Variants in E4F1 observed in about 807,000 individuals in gnomAD.
E4F1 encodes the protein transcription factor E4F1.
E4F1 carries 30 observed loss-of-function variants against 72.9 expected under a neutral mutation model. That is an observed-to-expected ratio of 0.41 (90% CI 0.31 to 0.56). The LOEUF is 0.56. E4F1 is among the 20% of genes least tolerant of loss of function. The pLI is 0.25. For synonymous variants in E4F1, 542 were observed against 478.2 expected (o/e 1.13, Z -1.74); for missense variants, 1,091 against 1,117.5 (o/e 0.98, Z 0.34).
At position 2,235,258 on chromosome 16, in the gene E4F1, C is replaced by G. The variant is rs1008078690; in HGVS notation, c.2041C>G (p.Gln681Glu). Residue 681 changes from glutamine (Q) to glutamate (E), a missense_variant, in exon 14 of 14, where the codon CAG becomes GAG. Physicochemically the swap from Gln to Glu is conservative, Grantham distance 29. This residue lies in a region of E4F1 where 622 missense variants were observed against 628.0 expected (regional missense o/e 0.99). Coordinates refer to ENST00000301727, the MANE Select transcript of E4F1 (RefSeq NM_004424.5). ...GAAGGTGGTGCAGCAGATCGTGCAC[C>G]AGGCTAGCGCCGGCCACCAGATCAT... ...IMKVVQQIVH[Q>E]ASAGHQIIVQ... The G allele has an allele frequency of 2.5e-6, 4 of 1,610,876 alleles. No homozygotes were observed. Among genetic ancestry groups the G allele is most frequent in the Middle Eastern group, 1.7e-4 (1 of 6,056 alleles).
At chr16:2,228,126 C>A (rs976138372) in intron 1 of E4F1, among the ~76,000 whole-genome samples, 2 of 152,200 alleles carry the variant, frequency 1.3e-5, no homozygotes, top group African/African-American at 4.8e-5. Flanking sequence ...CTGTCAGGGC[C>A]ACCCTCTGCT....
intron 9 of E4F1, 65 bp downstream of exon 9, chr16:2,234,055 G>T (rs567882180): frequency 4.6e-6 from 7 of 1,530,500 alleles, no homozygotes; most frequent in Non-Finnish European, 5.3e-6. Flanking sequence ...GGGTGCTTCT[G>T]GGTGTCCAGG....
intron 3 of E4F1, chr16:2,229,961 C>G: frequency 2.5e-6 from 1 of 396,050 alleles, no homozygotes; most frequent in South Asian, 2.5e-5. Flanking sequence ...CTGCCGTGTC[C>G]CTCCCAGAAT....
Position 2,223,873 on chromosome 16 carries a change from G to T in E4F1, c.157+103G>T, listed in dbSNP as rs906609639. On this transcript the variant is annotated intron_variant, in intron 1 of 13. Coordinates refer to ENST00000301727, the MANE Select transcript of E4F1 (RefSeq NM_004424.5). ...GCTGCGGGCTCGACCGACCCTCCCA[G>T]ACCCAGACACCTCGCGGATCTCGCG... 5 of 1,532,564 alleles carry T rather than the reference G, an allele frequency of 3.3e-6. No individual in the cohort carries two copies. In the Admixed American group the frequency reaches 5.9e-5, roughly 18 times the overall value. 94.9% of individuals were successfully genotyped at this position (1,532,564 alleles called of 1,614,324 possible). A position where few individuals can be genotyped will look rare whatever the true frequency, so the allele number is the denominator to read the frequency against.
chr16:2,232,405 C>G (rs769485429), intron 4 of E4F1, 41 bp downstream of exon 4: 1 of 1,602,184 alleles, frequency 6.2e-7, no homozygotes, highest in East Asian at 2.2e-5. Context: ...GGTGGCAGGC[C>G]CCCTCCTGTT....
At chr16:2,223,959 G>A (rs1379562972) in intron 1 of E4F1, 189 bp downstream of exon 1, 7 of 1,518,714 alleles carry the variant, frequency 4.6e-6, no homozygotes, top group Non-Finnish European at 6.1e-6. Flanking sequence ...GGCCTCTCCT[G>A]CGGGGCGCCT....
Position 2,234,132 on chromosome 16 carries a change from C to T in E4F1, c.1376-39C>T, listed in dbSNP as rs752962126. On this transcript the variant is annotated intron_variant, in intron 9 of 13. Coordinates refer to ENST00000301727, the MANE Select transcript of E4F1 (RefSeq NM_004424.5). ...GGTGGCAGGCGGCCTGGCGGGCCCG[C>T]GGGTGATGGGCTTGGCCTGATGCTG... The T allele has an allele frequency of 2.4e-5, 38 of 1,600,734 alleles. No individual in the cohort carries two copies. In the East Asian group the frequency reaches 4.0e-4, roughly 17 times the overall value.
At chr16:2,227,649 A>G (rs1596755946) in intron 1 of E4F1, among the ~76,000 whole-genome samples, 1 of 151,888 alleles carries the variant, frequency 6.6e-6, no homozygotes, top group East Asian at 1.9e-4. Context: ...TGGGATTACA[A>G]GCATGAGCCA....
chr16:2,233,586 C>T lies in E4F1; in HGVS notation c.1205C>T (p.Pro402Leu). The T allele has an allele frequency of 6.6e-7, 1 of 1,510,828 alleles. No individual in the cohort carries two copies. The highest frequency in any genetic ancestry group is 8.9e-7 in the Non-Finnish European group (1 of 1,128,594). The allele number at this position is 1,510,828 out of a possible 1,614,324, so 93.6% of individuals were successfully genotyped here. A position where few individuals can be genotyped will look rare whatever the true frequency, so the allele number is the denominator to read the frequency against. ...CCAGCTCCTGCTGCCGGGTCCAGTC[C>T]CCAGCCCCTGGCAGTGGCAGCCCCG... is the stretch of plus-strand genomic sequence containing the variant. The part of the protein sequence containing the change: ...LEPAPAAGSS[P>L]QPLAVAAPQL... Residue 402 changes from proline (P) to leucine (L), a missense_variant, in exon 8 of 14, where the codon CCC becomes CTC. Coordinates refer to ENST00000301727, the MANE Select transcript of E4F1 (RefSeq NM_004424.5).
Position 2,234,732 on chromosome 16 carries a change from C to A in E4F1, c.1743C>A (p.Gly581=). ...GEKPFKCYKC[G]RGFAEHGTLN... is the part of the protein sequence containing the mutation. ...AGCCGTTCAAGTGCTACAAGTGCGG[C>A]CGTGGCTTCGCCGAGCACGGCACGC... The change falls in exon 11 of 14, where the codon GGC becomes GGA. Residue 581 remains glycine, a synonymous_variant. Transcript: ENST00000301727. 1.3e-6 allele frequency: 2 copies of A among 1,557,924 alleles called. No homozygotes were observed. Among genetic ancestry groups the A allele is most frequent in the Non-Finnish European group, 1.7e-6 (2 of 1,151,230 alleles).
Position 2,234,155 on chromosome 16 carries a change from CTG to C in E4F1, c.1376-9_1376-8del, listed in dbSNP as rs1374964324. 1.4e-5 allele frequency: 22 copies of C among 1,609,872 alleles called. No homozygotes were observed. The Middle Eastern group carries it at 8.4e-4, about 62-fold the overall frequency. On this transcript the variant is annotated splice_polypyrimidine_tract_variant and intron_variant, in intron 9 of 13. Transcript: ENST00000301727. ...CGCGGGTGATGGGCTTGGCCTGATG[CTG>C]TGTGTGGCTGCAGGGCCGAGGCCGT...
At chr16:2,228,737 C>T (rs970392869) in intron 2 of E4F1, among the ~76,000 whole-genome samples, 6 of 152,204 alleles carry the variant, frequency 3.9e-5, no homozygotes, top group Non-Finnish European at 8.8e-5. Context: ...GCCTTCTTGG[C>T]AGCCTCTGGT....
At position 2,234,229 on chromosome 16, in the gene E4F1, C is replaced by T. The variant is rs2093487851; in HGVS notation, c.1434C>T (p.Leu478=). 2.5e-6 allele frequency: 4 copies of T among 1,612,818 alleles called. No homozygotes were observed. Among genetic ancestry groups the T allele is most frequent in the Non-Finnish European group, 3.4e-6 (4 of 1,179,936 alleles). The change falls in exon 10 of 14, where the codon CTC becomes CTT. Residue 478 remains leucine, a synonymous_variant. Transcript: ENST00000301727. ...AGGCCTTCCCCAAGGCCTACCTGCT[C>T]AAGAAGCACCAGGAGGTGCACGTGC... The part of the protein sequence containing the change: ...CGKAFPKAYL[L]KKHQEVHVRE...
Position 2,232,157 on chromosome 16 carries a change from G to A in E4F1, c.416-14G>A. ...GGGCAGGTCCTGGGGCTTAGGCCCA[G>A]ATGCTTCTCCTAGGTGGTGGGCACA... On this transcript the variant is annotated splice_polypyrimidine_tract_variant and intron_variant, in intron 3 of 13. Coordinates refer to ENST00000301727, the MANE Select transcript of E4F1 (RefSeq NM_004424.5). 1 of 1,609,094 alleles carries A rather than the reference G, an allele frequency of 6.2e-7. No individual in the cohort carries two copies. The highest frequency in any genetic ancestry group is 8.5e-7 in the Non-Finnish European group (1 of 1,179,824).
Position 2,223,739 on chromosome 16 carries a change from C to T in E4F1, c.126C>T (p.Phe42=), listed in dbSNP as rs989323878. 9 of 1,536,008 alleles carry T rather than the reference C, an allele frequency of 5.9e-6. No homozygotes were observed. The Admixed American group carries it at 1.4e-4, about 24-fold the overall frequency. Residue 42 remains phenylalanine (F), a synonymous_variant, in exon 1 of 14, where the codon TTC becomes TTT. Transcript: ENST00000301727. ...CGGCGGCCTTGGCCCCCAGCGGCTT[C>T]CTCGGCCTCCCGGCGCCCTTCAGCG... ...AVAAALAPSG[F]LGLPAPFSEE...
rs113976652 is a variant in E4F1, at chr16:2,229,560, C to G, written c.310-10C>G. The G allele has an allele frequency of 2.5e-6, 4 of 1,608,396 alleles. No individual in the cohort carries two copies. The Admixed American group carries it at 5.0e-5, about 20-fold the overall frequency. The stretch of plus-strand genomic sequence containing the variant: ...CAGACGACTCCCCTGTTTTCTTCCC[C>G]CTTTGGCAGGTGGTGCCGGCAGCAC... On this transcript the variant is annotated splice_polypyrimidine_tract_variant and intron_variant, in intron 2 of 13. Transcript: ENST00000301727.
chr16:2,235,359 C>T lies in E4F1; in HGVS notation c.2142C>T (p.Ala714=). The T allele has an allele frequency of 6.2e-7, 1 of 1,609,876 alleles. No individual in the cohort carries two copies. The highest frequency in any genetic ancestry group is 1.6e-4 in the Middle Eastern group (1 of 6,062). ...EAAAADTITI[A]TPESLTEQVA... is the part of the protein sequence containing the mutation. ...CTGCCGCCGACACCATCACCATCGC[C>T]ACCCCCGAGAGCCTGACAGAGCAGG... The change falls in exon 14 of 14, where the codon GCC becomes GCT. Residue 714 remains alanine, a synonymous_variant. Coordinates refer to ENST00000301727, the MANE Select transcript of E4F1 (RefSeq NM_004424.5).
intron 1 of E4F1, 185 bp downstream of exon 1, chr16:2,223,955 T>C: frequency 6.6e-7 from 1 of 1,520,734 alleles, no homozygotes; most frequent in Non-Finnish European, 8.8e-7. Context: ...CACGGGCCTC[T>C]CCTGCGGGGC....
Position 2,232,169 on chromosome 16 carries a change from A to G in E4F1, c.416-2A>G, listed in dbSNP as rs973510016. 2 of 1,610,856 alleles carry G rather than the reference A, an allele frequency of 1.2e-6. No homozygotes were observed. The highest frequency in any genetic ancestry group is 1.7e-6 in the Non-Finnish European group (2 of 1,179,850). On this transcript the variant is annotated splice_acceptor_variant, in intron 3 of 13. Coordinates refer to ENST00000301727, the MANE Select transcript of E4F1 (RefSeq NM_004424.5). LOFTEE classifies it high-confidence loss of function. ...GGGCTTAGGCCCAGATGCTTCTCCTAGGTGGTGGGCACATCAAAGAGGTCA... is the reference window on the plus strand; with the variant it reads ...GGGCTTAGGCCCAGATGCTTCTCCTGGGTGGTGGGCACATCAAAGAGGTCA...
Sources: gnomAD v4.1 joint callset for allele counts (sites outside exome capture counted in the v4.1 genomes callset) on GRCh38, gnomAD v4.1.1 for gene constraint, gnomAD v4.1.1 regional missense constraint, MANE v1.5 for transcripts, NCBI Gene and HGNC (gene_info 2026-07-23, HGNC 2026-07-21) for gene names.